Variants in PCDH15 observed in about 807,000 individuals in gnomAD.
PCDH15 encodes the protein protocadherin related 15.
Under a neutral mutation model 178.5 loss-of-function variants are expected in PCDH15, and 129 were observed. The ratio of observed to expected loss-of-function variants is 0.72; its 90% confidence interval spans 0.63 to 0.84. PCDH15 has a LOEUF of 0.84. Ranked by LOEUF, PCDH15 falls within the 40% of genes least tolerant of loss-of-function variation. The pLI, the probability that PCDH15 is intolerant of heterozygous loss-of-function variation, is 0.00. For synonymous variants in PCDH15, 800 were observed against 732.0 expected (o/e 1.09, Z -1.50); for missense variants, 2,230 against 2,099.9 (o/e 1.06, Z -1.21).
At chr10:55,160,716 T>G (rs1025046224) in intron 2 of PCDH15, among the ~76,000 whole-genome samples, 2 of 152,036 alleles carry the variant, frequency 1.3e-5, no homozygotes, top group African/African-American at 4.8e-5. Context: ...TATATGCTCC[T>G]GCTAAGTGAC....
chr10:54,896,573 G>A (rs1323610251), intron 3 of PCDH15, among the ~76,000 whole-genome samples: 2 of 150,734 alleles, frequency 1.3e-5, no homozygotes, highest in Non-Finnish European at 3.0e-5. Context: ...TGAATGCCAA[G>A]TCATGCCAAT....
chr10:54,683,690 A>G (rs2094940136), intron 1 of PCDH15, among the ~76,000 whole-genome samples: 1 of 152,112 alleles, frequency 6.6e-6, no homozygotes, highest in African/African-American at 2.4e-5. Context: ...AGGCAAGACT[A>G]GAAGTGGAAT....
chr10:55,591,234 A>G (rs1228057414), intron 2 of PCDH15, among the ~76,000 whole-genome samples: 1 of 152,058 alleles, frequency 6.6e-6, no homozygotes, highest in Non-Finnish European at 1.5e-5. Context: ...GAAGTTTGAG[A>G]ACAGCCTGTA....
At chr10:55,159,856 T>G (rs1839015177) in intron 2 of PCDH15, among the ~76,000 whole-genome samples, 1 of 147,802 alleles carries the variant, frequency 6.8e-6, no homozygotes, top group Admixed American at 6.8e-5. Flanking sequence ...CAAACGACGG[T>G]TTTTTTTTCC....
chr10:55,151,463 T>C (rs944771854), intron 2 of PCDH15, among the ~76,000 whole-genome samples: 1 of 152,096 alleles, frequency 6.6e-6, no homozygotes, highest in Non-Finnish European at 1.5e-5. Context: ...GACTAATAAA[T>C]ACTAGTGATC....
chr10:54,069,521 A>C (rs1428099731), intron 17 of PCDH15, among the ~76,000 whole-genome samples: 1 of 152,238 alleles, frequency 6.6e-6, no homozygotes, highest in Non-Finnish European at 1.5e-5. Context: ...TCTTACAGAA[A>C]TGTACAGTCA....
At chr10:53,820,608 T>C (rs74134793) in intron 32 of PCDH15, among the ~76,000 whole-genome samples, 1 of 152,030 alleles carries the variant, frequency 6.6e-6, no homozygotes, top group Non-Finnish European at 1.5e-5. Flanking sequence ...CACTTACATG[T>C]GCATTCAAAA....
At chr10:54,663,012 T>C (rs1281117475) in intron 2 of PCDH15, among the ~76,000 whole-genome samples, 1 of 152,030 alleles carries the variant, frequency 6.6e-6, no homozygotes, top group Admixed American at 6.6e-5. Flanking sequence ...GTAAACACCA[T>C]GCTAACTAGC....
At chr10:55,501,486 A>T (rs999849725) in intron 2 of PCDH15, among the ~76,000 whole-genome samples, 19 of 151,796 alleles carry the variant, frequency 1.3e-4, no homozygotes, top group African/African-American at 3.4e-4. Flanking sequence ...TGTATTTATT[A>T]ATTTTATCTG....
chr10:54,223,860 T>C (rs907930294), intron 9 of PCDH15, among the ~76,000 whole-genome samples: 1 of 152,198 alleles, frequency 6.6e-6, no homozygotes, highest in Non-Finnish European at 1.5e-5. Context: ...GTTCCTTGAA[T>C]TCTGGAAGAA....
chr10:55,426,655 A>G (rs900732244), intron 2 of PCDH15, among the ~76,000 whole-genome samples: 3 of 152,178 alleles, frequency 2.0e-5, no homozygotes, highest in Non-Finnish European at 2.9e-5. Flanking sequence ...AAGGGTCAGT[A>G]TGACAGTCTT....
At chr10:54,278,505 C>T (rs2058476879) in intron 8 of PCDH15, among the ~76,000 whole-genome samples, 1 of 151,582 alleles carries the variant, frequency 6.6e-6, no homozygotes, top group Non-Finnish European at 1.5e-5. Flanking sequence ...ATTATGTCTA[C>T]TCCCTCATAT....
intron 2 of PCDH15, among the ~76,000 whole-genome samples, chr10:55,572,235 A>T (rs934602776): frequency 6.6e-6 from 1 of 151,958 alleles, no homozygotes; most frequent in African/African-American, 2.4e-5. Context: ...TATTTAAAGT[A>T]ATATTCATAA....
At chr10:54,165,730 G>A (rs10825248) in intron 13 of PCDH15, among the ~76,000 whole-genome samples, 47,900 of 151,942 alleles carry the variant, frequency 0.32, 8,152 homozygotes, top group African/African-American at 0.44. Context: ...GAAATCTCAC[G>A]TTGTATACAA....
chr10:54,367,834 T>C (rs758148457), intron 5 of PCDH15, among the ~76,000 whole-genome samples: 10 of 151,464 alleles, frequency 6.6e-5, no homozygotes, highest in East Asian at 2.0e-4. Flanking sequence ...TGTATATATA[T>C]ACATATATAT....
intron 2 of PCDH15, among the ~76,000 whole-genome samples, chr10:54,608,825 A>G (rs923571215): frequency 6.6e-6 from 1 of 152,018 alleles, no homozygotes; most frequent in Non-Finnish European, 1.5e-5. Context: ...AAAAAGAAGA[A>G]GAAGAAGAAA....
intron 1 of PCDH15, among the ~76,000 whole-genome samples, chr10:54,794,539 G>C (rs1951771178): frequency 6.6e-6 from 1 of 151,744 alleles, no homozygotes; most frequent in African/African-American, 2.4e-5. Context: ...GTTCCAAATG[G>C]AGTATTTTAT....
At chr10:55,438,170 AAAAAC>A (rs1054762408) in intron 2 of PCDH15, among the ~76,000 whole-genome samples, 1 of 148,428 alleles carries the variant, frequency 6.7e-6, no homozygotes, top group Non-Finnish European at 1.5e-5. Context: ...TATTTAAGAA[AAAAAC>A]AAAACAAAAC....
At position 54,442,417 on chromosome 10, in the gene PCDH15, T is replaced by C. The variant is rs1415726892; in HGVS notation, c.158-63475A>G. 1.6e-4 allele frequency among the ~76,000 whole-genome samples: 10 copies of C among 60,738 alleles called. No individual in the cohort carries two copies. In the East Asian group the frequency reaches 7.4e-3, roughly 45 times the overall value. 39.8% of individuals were successfully genotyped at this position (60,738 alleles called of 152,430 possible). A position where few individuals can be genotyped will look rare whatever the true frequency, so the allele number is the denominator to read the frequency against. On this transcript the variant is annotated intron_variant, in intron 3 of 37. Transcript: ENST00000644397. ...AAAAAAAAAAAGGCCTTAAAGGCTA[T>C]ATATATATATATATATATATATATA...
Sources: gnomAD v4.1 joint callset for allele counts (sites outside exome capture counted in the v4.1 genomes callset) on GRCh38, gnomAD v4.1.1 for gene constraint, MANE v1.5 for transcripts, NCBI Gene and HGNC (gene_info 2026-07-23, HGNC 2026-07-21) for gene names.